Variants in KCNT2 observed in about 807,000 individuals in gnomAD.
The protein encoded by KCNT2 is potassium sodium-activated channel subfamily T member 2, also known as potassium channel subfamily T member 2.
A neutral mutation model predicts 153.8 loss-of-function variants in KCNT2; 67 were observed. The ratio of observed to expected loss-of-function variants is 0.44; its 90% confidence interval spans 0.36 to 0.53. KCNT2 has a LOEUF of 0.53. KCNT2 is among the 20% of genes least tolerant of loss of function. The pLI is 0.00. For synonymous variants in KCNT2, 500 were observed against 458.8 expected, an observed-to-expected ratio of 1.09 and a Z score of -1.15; for missense variants, 975 against 1,354.8, an observed-to-expected ratio of 0.72 and a Z score of 4.40.
In KCNT2 at chr1:196,311,159, C is replaced by T. The variant is rs147236797; in HGVS notation, c.2483+4733G>A. Among the ~76,000 whole-genome samples, 689 of 151,872 alleles carry T rather than the reference C, an allele frequency of 4.5e-3. 4 individuals carry two copies. Among genetic ancestry groups the T allele is most frequent in the African/African-American group, 0.015 (623 of 41,472 alleles). ...GTCTATATACAATTCTACATATTTT[C>T]CCCAATAATTGCCACAGTTATAATT... On this transcript the variant is annotated intron_variant, in intron 21 of 27. Coordinates refer to ENST00000294725, the MANE Select transcript of KCNT2 (RefSeq NM_198503.5).
chr1:196,241,729 C>T (rs576941199), intron 26 of KCNT2, among the ~76,000 whole-genome samples: 1 of 151,980 alleles, frequency 6.6e-6, no homozygotes, highest in Non-Finnish European at 1.5e-5. Flanking sequence ...TTTTAACTTG[C>T]CATGAGCCAC....
At chr1:196,576,653 G>A (rs1661417168) in intron 1 of KCNT2, among the ~76,000 whole-genome samples, 1 of 151,878 alleles carries the variant, frequency 6.6e-6, no homozygotes, top group Admixed American at 6.6e-5. Flanking sequence ...TCAATATCTA[G>A]TATCATTTCT....
At chr1:196,338,535 CAAGAACTTT>C (rs1263257914) in intron 16 of KCNT2, among the ~76,000 whole-genome samples, 2 of 151,994 alleles carry the variant, frequency 1.3e-5, no homozygotes, top group African/African-American at 4.8e-5. Context: ...CTAATGCAAA[CAAGAACTTT>C]TGGTTATCCT....
At chr1:196,270,737 A>G (rs1387697296) in intron 25 of KCNT2, among the ~76,000 whole-genome samples, 1 of 151,724 alleles carries the variant, frequency 6.6e-6, no homozygotes, top group Non-Finnish European at 1.5e-5. Context: ...GTGTGTGTGT[A>G]TGTGTGTGTG....
chr1:196,260,488 C>T (rs1030696033), intron 25 of KCNT2, among the ~76,000 whole-genome samples: 4 of 151,572 alleles, frequency 2.6e-5, no homozygotes, highest in East Asian at 1.9e-4. Flanking sequence ...TGAATACCCC[C>T]AAGAGAAACT....
chr1:196,531,032 T>C (rs1397565210), intron 1 of KCNT2, among the ~76,000 whole-genome samples: 1 of 152,108 alleles, frequency 6.6e-6, no homozygotes, highest in East Asian at 1.9e-4. Flanking sequence ...AAATAGTAAT[T>C]TTACACAACA....
chr1:196,370,258 G>A (rs2148318933), intron 14 of KCNT2, among the ~76,000 whole-genome samples: 1 of 152,030 alleles, frequency 6.6e-6, no homozygotes, highest in Admixed American at 6.6e-5. Flanking sequence ...CAAGAGCACA[G>A]AACACTCAAA....
At chr1:196,593,311 T>TATACACAC (rs1256165838) in intron 1 of KCNT2, among the ~76,000 whole-genome samples, 5,648 of 140,084 alleles carry the variant, frequency 0.04, 406 homozygotes, top group African/African-American at 0.15. Context: ...TATATATATA[T>TATACACAC]ACACACACAC....
chr1:196,537,058 A>T (rs1208895052), intron 1 of KCNT2, among the ~76,000 whole-genome samples: 1 of 152,196 alleles, frequency 6.6e-6, no homozygotes, highest in Non-Finnish European at 1.5e-5. Flanking sequence ...CTGTGGATAC[A>T]TGCACATCCA....
chr1:196,598,900 T>C lies in KCNT2; in HGVS notation c.95+9315A>G, dbSNP rs1270917876. On this transcript the variant is annotated intron_variant, in intron 1 of 27. Coordinates refer to ENST00000294725, the MANE Select transcript of KCNT2 (RefSeq NM_198503.5). ...AAATGTTCTCTGATGCTGTGATAAA[T>C]ACTATATTCAATATTATCATACATT... 2.6e-5 allele frequency among the ~76,000 whole-genome samples: 4 copies of C among 152,240 alleles called. No homozygotes were observed. The East Asian group carries it at 7.7e-4, about 29-fold the overall frequency.
intron 12 of KCNT2, among the ~76,000 whole-genome samples, chr1:196,408,016 T>C (rs1029379571): frequency 3.3e-5 from 5 of 151,392 alleles, no homozygotes; most frequent in Non-Finnish European, 5.9e-5. Context: ...TTTTCCATTA[T>C]AAATTCTTTC....
intron 4 of KCNT2, among the ~76,000 whole-genome samples, chr1:196,480,266 A>G (rs1017054737): frequency 3.3e-5 from 5 of 152,206 alleles, no homozygotes; most frequent in Non-Finnish European, 7.3e-5. Context: ...TTCGAATGAG[A>G]ACGGCAGATA....
chr1:196,337,319 C>T (rs981193297), intron 16 of KCNT2, among the ~76,000 whole-genome samples: 1 of 152,026 alleles, frequency 6.6e-6, no homozygotes, highest in Non-Finnish European at 1.5e-5. Context: ...AAAGTACATG[C>T]AGAATTTTCT....
intron 1 of KCNT2, among the ~76,000 whole-genome samples, chr1:196,589,488 GT>G (rs1278126170): frequency 6.6e-6 from 1 of 152,000 alleles, no homozygotes; most frequent in African/African-American, 2.4e-5. Flanking sequence ...AATTTTCTAA[GT>G]TTAAGCATAA....
chr1:196,484,034 A>G (rs1178289296), intron 3 of KCNT2, among the ~76,000 whole-genome samples: 2 of 152,162 alleles, frequency 1.3e-5, no homozygotes, highest in East Asian at 3.8e-4. Context: ...GTGAAGAGGG[A>G]TAGATGCCCA....
At chr1:196,361,879 TAA>T (rs1667652726) in intron 14 of KCNT2, among the ~76,000 whole-genome samples, 2 of 150,104 alleles carry the variant, frequency 1.3e-5, no homozygotes, top group Admixed American at 1.3e-4. Flanking sequence ...TCAATCACAT[TAA>T]GACTTTAAAT....
chr1:196,243,459 A>T lies in KCNT2; in HGVS notation c.3212-7389T>A, dbSNP rs115758771. Among the ~76,000 whole-genome samples the T allele has an allele frequency of 4.3e-3, 648 of 152,278 alleles. 2 individuals carry two copies. The highest frequency in any genetic ancestry group is 0.015 in the African/African-American group (621 of 41,568). ...GGCACTAAGGAGAGTAGGAAAGACC[A>T]TCTTGAATTTCCAACACCAACCCTC... On this transcript the variant is annotated intron_variant, in intron 26 of 27. Transcript: ENST00000294725.
Position 196,340,372 on chromosome 1 carries a change from T to A in KCNT2, c.1752A>T (p.Arg584Ser). 1 of 1,610,954 alleles carries A rather than the reference T, an allele frequency of 6.2e-7. No individual in the cohort carries two copies. Among genetic ancestry groups the A allele is most frequent in the Non-Finnish European group, 8.5e-7 (1 of 1,178,066 alleles). Residue 584 changes from arginine (R) to serine (S), a missense_variant, in exon 16 of 28, where the codon AGA (arginine) becomes AGT (serine). By Grantham distance (110) the Arg-to-Ser change is moderately radical (BLOSUM62 -1). Transcript: ENST00000294725. ...TGGCAATTATGCTATGTACAGGTAATCTGGAAGGTCCATGATAAAACGACC... is the reference window on the plus strand; with the variant it reads ...TGGCAATTATGCTATGTACAGGTAAACTGGAAGGTCCATGATAAAACGACC... ...VSRSFYHGPS[R>S]LPVHSIIASM...
At chr1:196,483,213 T>TA (rs915263512) in intron 3 of KCNT2, among the ~76,000 whole-genome samples, 1 of 152,178 alleles carries the variant, frequency 6.6e-6, no homozygotes, top group Non-Finnish European at 1.5e-5. Flanking sequence ...TCCTTTTAGA[T>TA]ACTTTCTTCT....
Sources: gnomAD v4.1 joint callset for allele counts (sites outside exome capture counted in the v4.1 genomes callset) on GRCh38, gnomAD v4.1.1 for gene constraint, MANE v1.5 for transcripts, NCBI Gene and HGNC (gene_info 2026-07-23, HGNC 2026-07-21) for gene names.